Variants in EPB41L5 observed in about 807,000 individuals in gnomAD.
EPB41L5 encodes band 4.1-like protein 5.
EPB41L5 carries 55 observed loss-of-function variants against 106.6 expected under a neutral mutation model. The observed-to-expected ratio is 0.52, with a 90% CI of 0.42 to 0.65. EPB41L5 has a LOEUF of 0.65. Among genes scored for constraint, EPB41L5 ranks in the 30% least tolerant of loss-of-function variants. The pLI is 0.00. For synonymous variants in EPB41L5, 297 were observed against 306.7 expected, an observed-to-expected ratio of 0.97 and a Z score of 0.33; for missense variants, 871 against 882.1, an observed-to-expected ratio of 0.99 and a Z score of 0.16.
In EPB41L5 at chr2:120,175,412, G is replaced by A. The variant is rs1687883896; in HGVS notation, c.*505G>A. On this transcript the variant is annotated 3_prime_UTR_variant, in exon 25 of 25. Coordinates refer to ENST00000263713, the MANE Select transcript of EPB41L5 (RefSeq NM_020909.4). ...GTGGACACTATAAAGGCAGACTTAGGGCCAACTTTTTTTTTTTTTTACAAT... is the reference window on the plus strand; with the variant it reads ...GTGGACACTATAAAGGCAGACTTAGAGCCAACTTTTTTTTTTTTTTACAAT... 6.7e-6 allele frequency: 1 copy of A among 149,874 alleles called. No individual in the cohort carries two copies. Among genetic ancestry groups the A allele is most frequent in the African/African-American group, 2.6e-5 (1 of 38,812 alleles). The allele number at this position is 149,874 out of a possible 1,614,324, so 9.3% of individuals were successfully genotyped here. A position where few individuals can be genotyped will look rare whatever the true frequency, so the allele number is the denominator to read the frequency against.
At chr2:120,019,331 C>A in intron 2 of EPB41L5, 67 bp downstream of exon 2, 1 of 1,448,814 alleles carries the variant, frequency 6.9e-7, no homozygotes, top group Non-Finnish European at 9.5e-7. Flanking sequence ...TGTTTAAAAG[C>A]TTTGTATTGG....
At chr2:120,058,772 A>G (rs1238286895) in intron 3 of EPB41L5, among the ~76,000 whole-genome samples, 1 of 152,232 alleles carries the variant, frequency 6.6e-6, no homozygotes, top group Non-Finnish European at 1.5e-5. Context: ...AAGTTGTTAA[A>G]CATATTTTTA....
intron 4 of EPB41L5, 50 bp from the exon 5 acceptor site, chr2:120,074,049 AT>A (rs1283667972): frequency 7.2e-7 from 1 of 1,380,932 alleles, no homozygotes; most frequent in African/African-American, 1.5e-5. Context: ...GCTGAAAAGT[AT>A]TATTTAAGTA....
At chr2:120,110,566 T>C (rs1684677409) in intron 16 of EPB41L5, among the ~76,000 whole-genome samples, 1 of 152,114 alleles carries the variant, frequency 6.6e-6, no homozygotes, top group Non-Finnish European at 1.5e-5. Flanking sequence ...TTTGAGGTAA[T>C]GTTCAGCTTA....
chr2:120,094,566 C>T, intron 14 of EPB41L5, among the ~76,000 whole-genome samples: 1 of 143,584 alleles, frequency 7.0e-6, no homozygotes, highest in Non-Finnish European at 1.5e-5. Context: ...ATTGATTTTT[C>T]TGTTTTTCTG....
rs544033626 is a variant in EPB41L5 at position 120,124,478 on chromosome 2, C to T, written c.1338-3210C>T. The stretch of plus-strand genomic sequence containing the variant: ...AACTTAATATGTTATCATATTTGCT[C>T]GCATTTATTTCATTTTCTTGGCTGG... On this transcript the variant is annotated intron_variant, in intron 16 of 24. Coordinates refer to ENST00000263713, the MANE Select transcript of EPB41L5 (RefSeq NM_020909.4). Among the ~76,000 whole-genome samples the T allele has an allele frequency of 4.6e-5, 7 of 152,296 alleles. No homozygotes were observed. In the East Asian group the frequency reaches 1.2e-3, roughly 25 times the overall value.
intron 3 of EPB41L5, among the ~76,000 whole-genome samples, chr2:120,043,212 C>T (rs1195953782): frequency 6.6e-6 from 1 of 151,972 alleles, no homozygotes; most frequent in Non-Finnish European, 1.5e-5. Flanking sequence ...AATTTTGGCG[C>T]ATCCTTGAAA....
At chr2:120,021,393 G>A (rs933261686) in intron 2 of EPB41L5, among the ~76,000 whole-genome samples, 1 of 151,418 alleles carries the variant, frequency 6.6e-6, no homozygotes, top group Non-Finnish European at 1.5e-5. Context: ...GCCGGTAATC[G>A]CAGCACTTTG....
At chr2:120,109,235 T>G (rs1390328199) in intron 16 of EPB41L5, among the ~76,000 whole-genome samples, 2 of 152,170 alleles carry the variant, frequency 1.3e-5, no homozygotes, top group East Asian at 3.8e-4. Context: ...AATTTTTGAG[T>G]GGTCTTTAAA....
intron 2 of EPB41L5, among the ~76,000 whole-genome samples, chr2:120,020,640 G>A (rs1002811065): frequency 2.6e-5 from 4 of 152,086 alleles, no homozygotes; most frequent in Admixed American, 2.0e-4. Flanking sequence ...TTTCTTATTT[G>A]ATAGGAATCT....
intron 12 of EPB41L5, 146 bp from the exon 13 acceptor site, chr2:120,091,409 A>T: frequency 1.7e-6 from 1 of 599,330 alleles, no homozygotes; most frequent in South Asian, 2.2e-5. Flanking sequence ...TGGTAAAGAG[A>T]GAGATCGAGA....
At chr2:120,097,858 T>C (rs532114203) in intron 14 of EPB41L5, among the ~76,000 whole-genome samples, 2 of 152,316 alleles carry the variant, frequency 1.3e-5, no homozygotes, top group South Asian at 2.1e-4. Flanking sequence ...TTTCATACAA[T>C]TTAAAACAGG....
At chr2:120,143,242 G>T in intron 19 of EPB41L5, 111 bp downstream of exon 19, 2 of 1,228,512 alleles carry the variant, frequency 1.6e-6, no homozygotes, top group Non-Finnish European at 2.2e-6. Flanking sequence ...GTGCAGTCAG[G>T]GAGTTAAAAA....
chr2:120,084,537 T>G (rs1682923612), intron 10 of EPB41L5, among the ~76,000 whole-genome samples: 1 of 152,154 alleles, frequency 6.6e-6, no homozygotes, highest in Non-Finnish European at 1.5e-5. Context: ...ACCCGACCTT[T>G]CTCTCTGGCT....
intron 3 of EPB41L5, among the ~76,000 whole-genome samples, chr2:120,066,488 T>C (rs1681452427): frequency 6.6e-6 from 1 of 152,268 alleles, no homozygotes; most frequent in Non-Finnish European, 1.5e-5. Context: ...TATAGTGCTC[T>C]ATTATATTAA....
chr2:120,042,240 T>C, intron 3 of EPB41L5, 130 bp downstream of exon 3: 4 of 537,584 alleles, frequency 7.4e-6, no homozygotes, highest in South Asian at 6.0e-5. Flanking sequence ...CACCGCTCCC[T>C]CCCCCCACCT....
rs140232691 is a variant in EPB41L5 at position 120,142,938 on chromosome 2, A to G, written c.1600-65A>G. ...TCTGCAGATGAACTTTCATCAGTCT[A>G]TTTCCTATTTCCATATAACTATAGT... On this transcript the variant is annotated intron_variant, in intron 18 of 24. Coordinates refer to ENST00000263713, the MANE Select transcript of EPB41L5 (RefSeq NM_020909.4). 3.2e-3 allele frequency: 4,538 copies of G among 1,419,264 alleles called. 9 individuals are homozygous for G. Among genetic ancestry groups the G allele is most frequent in the Non-Finnish European group, 4.0e-3 (4,051 of 1,020,746 alleles). The allele number at this position is 1,419,264 out of a possible 1,614,324, so 87.9% of individuals were successfully genotyped here.
rs566721241 is a variant in EPB41L5, at chr2:120,041,665, CATT to C, written c.181-338_181-336del. Among the ~76,000 whole-genome samples, 115 of 152,244 alleles carry C rather than the reference CATT, an allele frequency of 7.6e-4. 1 individual carries two copies. Among genetic ancestry groups the C allele is most frequent in the Middle Eastern group, 6.8e-3 (2 of 294 alleles). On this transcript the variant is annotated intron_variant, in intron 2 of 24. Coordinates refer to ENST00000263713, the MANE Select transcript of EPB41L5 (RefSeq NM_020909.4). ...TTTTTGTATTTTCTTTGTCCAATGA[CATT>C]ATGGCCCTTTTAAAGTAGGGACTCT... is the stretch of plus-strand genomic sequence containing the variant.
At chr2:120,133,600 T>C (rs1193220595) in intron 18 of EPB41L5, among the ~76,000 whole-genome samples, 2 of 152,172 alleles carry the variant, frequency 1.3e-5, no homozygotes, top group Non-Finnish European at 2.9e-5. Context: ...ATCCTAGCAA[T>C]TGGAACCTGA....
Sources: allele counts gnomAD v4.1 joint callset (sites outside exome capture counted in the v4.1 genomes callset), GRCh38; gene constraint gnomAD v4.1.1; transcripts MANE v1.5; gene names NCBI Gene and HGNC (gene_info 2026-07-23, HGNC 2026-07-21).